The following DAB1 variants were observed in gnomAD, a reference collection of about 807,000 sequenced individuals.
The protein encoded by DAB1 is DAB adaptor protein 1.
In DAB1, 15 loss-of-function variants were observed where a neutral mutation model predicts 64.6. That is an observed-to-expected ratio of 0.23 (90% CI 0.16 to 0.36). DAB1 has a LOEUF of 0.36. Ranked by LOEUF, DAB1 falls within the 10% of genes least tolerant of loss-of-function variation. DAB1 has a pLI of 1.00. For synonymous variants in DAB1, 235 were observed against 251.9 expected (o/e 0.93, Z 0.64); for missense variants, 596 against 706.7 (o/e 0.84, Z 1.78).
chr1:58,096,442 C>A (rs971278715), intron 5 of DAB1, among the ~76,000 whole-genome samples: 2 of 152,192 alleles, frequency 1.3e-5, no homozygotes, highest in Non-Finnish European at 2.9e-5. Flanking sequence ...TTTGTGATAG[C>A]TGTTTCAGCC....
At chr1:57,315,812 T>C (rs1026147430) in intron 1 of DAB1, among the ~76,000 whole-genome samples, 26 of 152,226 alleles carry the variant, frequency 1.7e-4, no homozygotes, top group African/African-American at 5.8e-4. Context: ...ACCTATTATA[T>C]GATCTTTAAG....
At chr1:58,101,642 AT>A (rs1651331507) in intron 5 of DAB1, among the ~76,000 whole-genome samples, 3 of 152,218 alleles carry the variant, frequency 2.0e-5, no homozygotes, top group Non-Finnish European at 2.9e-5. Context: ...TTGATTTCTA[AT>A]TCCAATCTAT....
At position 57,829,388 on chromosome 1, in the gene DAB1, T is replaced by C. The variant is rs1323810; in HGVS notation, n.88-2933A>G. On this transcript the variant is annotated intron_variant and non_coding_transcript_variant, in intron 1 of 1. Coordinates refer to the DAB1 transcript ENST00000477280. ...GATTTTGGCAGTTTCGTATTTGTTT[T>C]CTGATCTTCAGCTCACAGGGCTTCA... Among the ~76,000 whole-genome samples, 1,396 of 152,316 alleles carry C rather than the reference T, an allele frequency of 9.2e-3. 21 individuals are homozygous for C. Among genetic ancestry groups the C allele is most frequent in the African/African-American group, 0.033 (1,354 of 41,558 alleles).
At chr1:58,245,028 A>G (rs1162361466) in intron 4 of DAB1, among the ~76,000 whole-genome samples, 1 of 152,230 alleles carries the variant, frequency 6.6e-6, no homozygotes, top group Non-Finnish European at 1.5e-5. Flanking sequence ...CACCTACAGA[A>G]CTAGGAACTA....
intron 5 of DAB1, among the ~76,000 whole-genome samples, chr1:57,991,845 CAAAAAA>C (rs56324635): frequency 6.7e-5 from 4 of 60,144 alleles, no homozygotes; most frequent in East Asian, 6.2e-4. Context: ...GGCTCTGTCT[CAAAAAA>C]AAAAAAAAAA....
At chr1:58,235,856 C>A (rs1165013272) in intron 4 of DAB1, among the ~76,000 whole-genome samples, 1 of 152,206 alleles carries the variant, frequency 6.6e-6, no homozygotes, top group African/African-American at 2.4e-5. Flanking sequence ...TTAGACCAGG[C>A]AGGCCATTGA....
At chr1:57,425,516 C>T (rs1320576472), upstream of DAB1, among the ~76,000 whole-genome samples, 1 of 152,100 alleles carries the variant, frequency 6.6e-6, no homozygotes, top group African/African-American at 2.4e-5. Context: ...ATCAAGAGAC[C>T]CTCCCTTTCT....
chr1:58,348,895 T>C (rs1373926597), intron 3 of DAB1, among the ~76,000 whole-genome samples: 1 of 152,146 alleles, frequency 6.6e-6, no homozygotes, highest in Non-Finnish European at 1.5e-5. Context: ...CTGACCCTGA[T>C]TTAGATTGTC....
chr1:57,072,236 C>A, intron 5 of DAB1, 47 bp downstream of exon 5: 2 of 1,607,440 alleles, frequency 1.2e-6, no homozygotes, highest in Non-Finnish European at 1.7e-6. Flanking sequence ...TGGACTGTCC[C>A]CCCAGAGTTC....
intron 9 of DAB1, among the ~76,000 whole-genome samples, chr1:57,049,256 T>C (rs1176429968): frequency 6.6e-6 from 1 of 151,682 alleles, no homozygotes; most frequent in Non-Finnish European, 1.5e-5. Context: ...GAGATCATCC[T>C]GGCTAACACG....
intron 7 of DAB1, among the ~76,000 whole-genome samples, chr1:57,597,085 C>T (rs532404844): frequency 1.3e-5 from 2 of 152,316 alleles, no homozygotes; most frequent in South Asian, 2.1e-4. Flanking sequence ...CCAACACCCC[C>T]GCTCAGCTCA....
chr1:57,537,908 A>C (rs978171054), intron 7 of DAB1, among the ~76,000 whole-genome samples: 1 of 152,134 alleles, frequency 6.6e-6, no homozygotes, highest in Non-Finnish European at 1.5e-5. Flanking sequence ...CAGAAGCTGG[A>C]GTGTGCAGAG....
chr1:58,233,829 C>T (rs1659894384), intron 4 of DAB1, among the ~76,000 whole-genome samples: 1 of 152,168 alleles, frequency 6.6e-6, no homozygotes, highest in Non-Finnish European at 1.5e-5. Context: ...GACAGTTTCT[C>T]ACCCCAGATT....
chr1:57,176,053 T>C (rs1168607577), intron 2 of DAB1, among the ~76,000 whole-genome samples: 1 of 152,174 alleles, frequency 6.6e-6, no homozygotes, highest in Non-Finnish European at 1.5e-5. Context: ...CCATCCATAG[T>C]GTGGCATAAT....
At chr1:57,223,970 C>G (rs1297795628) in intron 2 of DAB1, among the ~76,000 whole-genome samples, 1 of 152,138 alleles carries the variant, frequency 6.6e-6, no homozygotes, top group Non-Finnish European at 1.5e-5. Context: ...CCAGCCCTTA[C>G]TAGCTAAATG....
At chr1:57,794,213 T>C (rs1569706614) in intron 6 of DAB1, among the ~76,000 whole-genome samples, 1 of 152,176 alleles carries the variant, frequency 6.6e-6, no homozygotes. Flanking sequence ...ACAATCCAAC[T>C]TTTTGTCAAC....
intron 4 of DAB1, among the ~76,000 whole-genome samples, chr1:58,186,587 T>C (rs949858793): frequency 6.6e-6 from 1 of 152,232 alleles, no homozygotes; most frequent in Non-Finnish European, 1.5e-5. Context: ...TATTTAATTC[T>C]CAAAACAACT....
chr1:58,182,837 G>T (rs1244509515), intron 4 of DAB1, among the ~76,000 whole-genome samples: 1 of 151,586 alleles, frequency 6.6e-6, no homozygotes, highest in African/African-American at 2.4e-5. Flanking sequence ...TCTGAGTATG[G>T]GTCATATTTT....
chr1:57,983,237 T>C (rs1016742745), intron 5 of DAB1, among the ~76,000 whole-genome samples: 7 of 152,166 alleles, frequency 4.6e-5, no homozygotes, highest in Non-Finnish European at 1.0e-4. Context: ...GCCTTGGCCT[T>C]CAACATATTA....
Sources: allele counts gnomAD v4.1 joint callset (sites outside exome capture counted in the v4.1 genomes callset), GRCh38; gene constraint gnomAD v4.1.1; transcripts MANE v1.5; gene names NCBI Gene and HGNC (gene_info 2026-07-23, HGNC 2026-07-21).